Variants in XKR6 observed in about 807,000 individuals in gnomAD.
XKR6 encodes the protein XK related 6.
In XKR6, 22 loss-of-function variants were observed where a neutral mutation model predicts 56.7. That is an observed-to-expected ratio of 0.39 (90% CI 0.28 to 0.55). The LOEUF is 0.55. Ranked by LOEUF, XKR6 falls within the 20% of genes least tolerant of loss-of-function variation. The pLI is 0.66. For missense variants in XKR6, 852 were observed against 889.0 expected (o/e 0.96, Z 0.53); for synonymous variants, 524 against 387.8 (o/e 1.35, Z -4.13).
intron 1 of XKR6, among the ~76,000 whole-genome samples, chr8:10,981,211 T>C (rs1202530525): frequency 1.3e-5 from 2 of 152,150 alleles, no homozygotes; most frequent in Non-Finnish European, 2.9e-5. Context: ...CACTTTTCCA[T>C]GGAAAAATGT....
In XKR6 at chr8:10,966,207, C is replaced by T. The variant is rs147975339; in HGVS notation, c.765-41377G>A. Among the ~76,000 whole-genome samples the T allele has an allele frequency of 3.3e-5, 5 of 152,210 alleles. No homozygotes were observed. The East Asian group carries it at 9.7e-4, about 29-fold the overall frequency. ...ACTAAGAAACACAGAGTTTCTCATT[C>T]AGTATGTCGAGGGTAGGGCCCAGGA... is the stretch of plus-strand genomic sequence containing the variant. On this transcript the variant is annotated intron_variant, in intron 1 of 2. Transcript: ENST00000416569.
In XKR6 at chr8:11,047,521, C is replaced by T. The variant is rs543237834; in HGVS notation, c.765-122691G>A. 8.5e-5 allele frequency among the ~76,000 whole-genome samples: 13 copies of T among 152,196 alleles called. No homozygotes were observed. In the East Asian group the frequency reaches 2.5e-3, roughly 29 times the overall value. On this transcript the variant is annotated intron_variant, in intron 1 of 2. Transcript: ENST00000416569. ...TTTTCCATGAAAAAGAAACCAGTCA[C>T]AAAAAGACAAATTCCACATGATTCC... is the stretch of plus-strand genomic sequence containing the variant.
Position 10,927,094 on chromosome 8 carries a change from A to G in XKR6, c.765-2264T>C, listed in dbSNP as rs143341051. ...GATGATGGCAGCAAGAAATGTGTGC[A>G]GCGAGGTTCCTGGAAGCAGATGTCA... is the stretch of plus-strand genomic sequence containing the variant. On this transcript the variant is annotated intron_variant, in intron 1 of 2. Transcript: ENST00000416569. Among the ~76,000 whole-genome samples, 11 of 152,324 alleles carry G rather than the reference A, an allele frequency of 7.2e-5. No individual in the cohort carries two copies. The East Asian group carries it at 2.1e-3, about 29-fold the overall frequency.
chr8:11,047,374 T>A (rs1280203886), intron 1 of XKR6, among the ~76,000 whole-genome samples: 1 of 152,232 alleles, frequency 6.6e-6, no homozygotes, highest in Non-Finnish European at 1.5e-5. Flanking sequence ...ATTTTTCAAT[T>A]TTTCATCAGG....
intron 1 of XKR6, among the ~76,000 whole-genome samples, chr8:11,181,590 T>C (rs1802984595): frequency 6.6e-6 from 1 of 152,218 alleles, no homozygotes; most frequent in Non-Finnish European, 1.5e-5. Flanking sequence ...GCAAGGTTTG[T>C]TTTGTATATT....
Position 10,950,279 on chromosome 8 carries a change from C to G in XKR6, c.765-25449G>C, listed in dbSNP as rs558465537. Among the ~76,000 whole-genome samples, 99 of 152,376 alleles carry G rather than the reference C, an allele frequency of 6.5e-4. 2 individuals carry two copies. The highest frequency in any genetic ancestry group is 1.6e-4 in the Non-Finnish European group (11 of 68,034). ...CTGTGCTCCCAGCCCCCGGCCTCCT[C>G]TAGGTCCCTGCTGAAGCCAGTGTGG... On this transcript the variant is annotated intron_variant, in intron 1 of 2. Transcript: ENST00000416569.
chr8:10,899,963 C>T (rs1234987062), intron 2 of XKR6, among the ~76,000 whole-genome samples: 1 of 152,200 alleles, frequency 6.6e-6, no homozygotes, highest in Non-Finnish European at 1.5e-5. Context: ...TATTCGAGTG[C>T]TGTCATACAA....
intron 1 of XKR6, among the ~76,000 whole-genome samples, chr8:11,042,456 A>T (rs562991267): frequency 6.6e-6 from 1 of 152,240 alleles, no homozygotes; most frequent in African/African-American, 2.4e-5. Flanking sequence ...GGTTTTATAA[A>T]GGGCAGTTCC....
intron 1 of XKR6, among the ~76,000 whole-genome samples, chr8:11,086,157 TA>T (rs1286798716): frequency 5.9e-4 from 87 of 148,024 alleles, no homozygotes; most frequent in South Asian, 4.4e-3. Context: ...TATTTTTTTT[TA>T]AAAAAAACAA....
At chr8:11,004,977 C>G (rs566889255) in intron 1 of XKR6, among the ~76,000 whole-genome samples, 1 of 152,116 alleles carries the variant, frequency 6.6e-6, no homozygotes, top group African/African-American at 2.4e-5. Flanking sequence ...AATGACGTAC[C>G]AAGAGTAGTC....
intron 1 of XKR6, among the ~76,000 whole-genome samples, chr8:10,997,161 T>C (rs1489720200): frequency 2.6e-5 from 4 of 152,126 alleles, no homozygotes; most frequent in Admixed American, 2.0e-4. Flanking sequence ...GTAGCTTTTA[T>C]GTATGCTTTA....
intron 1 of XKR6, among the ~76,000 whole-genome samples, chr8:11,023,755 T>C (rs890235069): frequency 2.0e-5 from 3 of 152,188 alleles, no homozygotes; most frequent in African/African-American, 7.2e-5. Flanking sequence ...CATGAAGGCC[T>C]CCTGCGGATC....
chr8:11,151,978 A>C (rs927724770), intron 1 of XKR6, among the ~76,000 whole-genome samples: 1 of 152,214 alleles, frequency 6.6e-6, no homozygotes, highest in African/African-American at 2.4e-5. Context: ...TACTACTTAG[A>C]GTCAAGAAGA....
chr8:10,975,284 G>C (rs1350878815), intron 1 of XKR6, among the ~76,000 whole-genome samples: 1 of 152,216 alleles, frequency 6.6e-6, no homozygotes, highest in Non-Finnish European at 1.5e-5. Context: ...CCATCACCCA[G>C]CCTTCAGGAG....
chr8:11,044,381 C>CA lies in XKR6; in HGVS notation c.765-119552dup, dbSNP rs1393419786. Among the ~76,000 whole-genome samples, 5 of 152,228 alleles carry CA rather than the reference C, an allele frequency of 3.3e-5. No homozygotes were observed. In the South Asian group the frequency reaches 6.2e-4, roughly 19 times the overall value. On this transcript the variant is annotated intron_variant, in intron 1 of 2. Coordinates refer to ENST00000416569, the MANE Select transcript of XKR6 (RefSeq NM_173683.4). ...ATGTATTCTCAGCCAACCCCTTCAG[C>CA]AAAAAAGTCCTTGCTTTTGGTTTTC...
chr8:10,907,490 A>G (rs542500595), intron 2 of XKR6, among the ~76,000 whole-genome samples: 9 of 152,170 alleles, frequency 5.9e-5, no homozygotes, highest in Admixed American at 1.3e-4. Flanking sequence ...TGTTAACTCA[A>G]TTATTCTTCC....
intron 1 of XKR6, chr8:11,108,293 A>G: frequency 4.4e-6 from 2 of 456,212 alleles, no homozygotes; most frequent in Non-Finnish European, 8.8e-6. Context: ...TTTCCTGAAA[A>G]TCTGCTGCAG....
intron 1 of XKR6, among the ~76,000 whole-genome samples, chr8:11,071,461 A>AAGTCTATGCGCCCCG: frequency 7.5e-6 from 1 of 133,528 alleles, no homozygotes; most frequent in South Asian, 2.3e-4. Flanking sequence ...TTACACCTTT[A>AAGTCTATGCGCCCCG]AGTCTATGAG....
At chr8:11,022,574 AGCGGGCG>A (rs1290279673) in intron 1 of XKR6, among the ~76,000 whole-genome samples, 3 of 152,184 alleles carry the variant, frequency 2.0e-5, no homozygotes, top group Non-Finnish European at 4.4e-5. Context: ...CAATGGGTGA[AGCGGGCG>A]GCAGGAGCAG....
Sources: gnomAD v4.1 joint callset for allele counts (sites outside exome capture counted in the v4.1 genomes callset) on GRCh38, gnomAD v4.1.1 for gene constraint, MANE v1.5 for transcripts, NCBI Gene and HGNC (gene_info 2026-07-23, HGNC 2026-07-21) for gene names.